HTR1F: variants seen among roughly 807,000 people sequenced by gnomAD.
The protein encoded by HTR1F is 5-hydroxytryptamine (serotonin) receptor 1F, G protein-coupled.
A neutral mutation model predicts 24.0 loss-of-function variants in HTR1F; 17 were observed. The ratio of observed to expected loss-of-function variants is 0.71; its 90% CI spans 0.48 to 1.06. The LOEUF is 1.06. Among genes scored for constraint, HTR1F ranks in the 50% least tolerant of loss-of-function variants. The pLI, the probability that HTR1F is intolerant of heterozygous loss-of-function variation, is 0.00. For synonymous variants in HTR1F, 186 were observed against 156.8 expected (o/e 1.19, Z -1.39); for missense variants, 391 against 427.8 (o/e 0.91, Z 0.76).
chr3:87,873,286 G>T (rs1189883607), intron 2 of HTR1F, among the ~76,000 whole-genome samples: 1 of 152,078 alleles, frequency 6.6e-6, no homozygotes, highest in African/African-American at 2.4e-5. Flanking sequence ...GGAGCTGATG[G>T]TGTAAGTCCT....
intron 1 of HTR1F, among the ~76,000 whole-genome samples, chr3:87,803,395 C>A (rs1209464090): frequency 6.6e-6 from 1 of 152,110 alleles, no homozygotes; most frequent in African/African-American, 2.4e-5. Context: ...TCACTAAAAG[C>A]AGGTGCAACA....
chr3:87,832,847 T>C (rs1704610779), intron 2 of HTR1F, among the ~76,000 whole-genome samples: 1 of 152,180 alleles, frequency 6.6e-6, no homozygotes, highest in Non-Finnish European at 1.5e-5. Context: ...TTATCAAGAG[T>C]TCCAGGAATG....
At position 87,798,021 on chromosome 3, in the gene HTR1F, A is replaced by G. The variant is rs190724062; in HGVS notation, c.-160+5179A>G. 2.0e-5 allele frequency among the ~76,000 whole-genome samples: 3 copies of G among 152,310 alleles called. No homozygotes were observed. The East Asian group carries it at 5.8e-4, about 29-fold the overall frequency. On this transcript the variant is annotated intron_variant, in intron 1 of 2. Coordinates refer to ENST00000319595, the MANE Select transcript of HTR1F (RefSeq NM_001322209.2). ...GATTTGGATCTGTCCTTTGGCCAGC[A>G]TCCTACATTCCTAAAGCTAAGTGTG...
intron 2 of HTR1F, chr3:87,910,473 A>T (rs944247752): frequency 4.0e-5 from 6 of 151,706 alleles, no homozygotes; most frequent in African/African-American, 1.5e-4. Flanking sequence ...TTCCTAAAGC[A>T]AGTTCTTAGA....
intron 2 of HTR1F, among the ~76,000 whole-genome samples, chr3:87,968,060 T>C (rs1705204734): frequency 6.6e-6 from 1 of 152,192 alleles, no homozygotes; most frequent in African/African-American, 2.4e-5. Flanking sequence ...CAGGCTGAAG[T>C]AGTCTCAGAT....
At chr3:87,807,598 G>A (rs1704094841) in intron 1 of HTR1F, among the ~76,000 whole-genome samples, 1 of 151,760 alleles carries the variant, frequency 6.6e-6, no homozygotes, top group South Asian at 2.1e-4. Context: ...TTTCCAATTT[G>A]ATTGCCTTTT....
At chr3:87,869,359 A>G (rs1238315148) in intron 2 of HTR1F, among the ~76,000 whole-genome samples, 1 of 151,904 alleles carries the variant, frequency 6.6e-6, no homozygotes, top group African/African-American at 2.4e-5. Context: ...CCAGAAAAAA[A>G]CAGAACCAAT....
intron 1 of HTR1F, among the ~76,000 whole-genome samples, chr3:87,815,165 C>A (rs1230486465): frequency 6.6e-6 from 1 of 151,940 alleles, no homozygotes; most frequent in Non-Finnish European, 1.5e-5. Flanking sequence ...CATGGGAATT[C>A]ATGAAAGAAA....
At chr3:87,819,967 T>C (rs1049337443) in intron 1 of HTR1F, among the ~76,000 whole-genome samples, 20 of 152,130 alleles carry the variant, frequency 1.3e-4, no homozygotes, top group African/African-American at 4.8e-4. Context: ...TACAATGCTA[T>C]ATATAAGTTA....
At chr3:87,806,645 G>T (rs1704078980) in intron 1 of HTR1F, among the ~76,000 whole-genome samples, 1 of 151,996 alleles carries the variant, frequency 6.6e-6, no homozygotes, top group African/African-American at 2.4e-5. Flanking sequence ...CTGTGAAGAA[G>T]AGTTTTAGTT....
intron 2 of HTR1F, among the ~76,000 whole-genome samples, chr3:87,953,623 G>A (rs1704882036): frequency 6.6e-6 from 1 of 151,538 alleles, no homozygotes; most frequent in Non-Finnish European, 1.5e-5. Flanking sequence ...GGAACGCAGT[G>A]GGAGATTTCT....
chr3:87,935,375 C>T (rs1214959772), intron 2 of HTR1F, among the ~76,000 whole-genome samples: 1 of 152,158 alleles, frequency 6.6e-6, no homozygotes, highest in Non-Finnish European at 1.5e-5. Flanking sequence ...GTCAATTTCA[C>T]TCTTCTTTCC....
chr3:87,793,324 G>C (rs1404058601), intron 1 of HTR1F: 1 of 152,142 alleles, frequency 6.6e-6, no homozygotes. Context: ...AGGATTCGCG[G>C]GGGGGACGGT....
rs1194113384 is a variant in HTR1F at position 87,980,750 on chromosome 3, G to A, written c.-42-9958G>A. ...CGGCCTCTCTCCCATTCTTGTCAGT[G>A]CCCAAAGTCCAGAGGATGCCAAGGC... On this transcript the variant is annotated intron_variant, in intron 2 of 2. Coordinates refer to ENST00000319595, the MANE Select transcript of HTR1F (RefSeq NM_001322209.2). 3.3e-5 allele frequency among the ~76,000 whole-genome samples: 5 copies of A among 152,186 alleles called. 1 individual carries two copies. The highest frequency in any genetic ancestry group is 1.2e-4 in the African/African-American group (5 of 41,448).
At chr3:87,822,633 T>C (rs1704381718) in intron 2 of HTR1F, among the ~76,000 whole-genome samples, 1 of 152,202 alleles carries the variant, frequency 6.6e-6, no homozygotes, top group Admixed American at 6.5e-5. Flanking sequence ...CAGAGTTTAT[T>C]TGAGGCAAAG....
chr3:87,850,249 A>C (rs1339702180), intron 2 of HTR1F, among the ~76,000 whole-genome samples: 1 of 151,980 alleles, frequency 6.6e-6, no homozygotes, highest in African/African-American at 2.4e-5. Context: ...AAAATGTGGC[A>C]CATATACACC....
intron 2 of HTR1F, among the ~76,000 whole-genome samples, chr3:87,959,102 G>C (rs184557639): frequency 6.6e-6 from 1 of 151,806 alleles, no homozygotes; most frequent in Admixed American, 6.6e-5. Context: ...TATGTTGTTT[G>C]ATGTACTTAA....
At chr3:87,891,301 T>C (rs1305872245) in intron 2 of HTR1F, among the ~76,000 whole-genome samples, 1 of 151,876 alleles carries the variant, frequency 6.6e-6, no homozygotes, top group African/African-American at 2.4e-5. Flanking sequence ...TTTGTTAAAA[T>C]AAAAAAAATG....
chr3:87,877,387 ATTAGGCACCCACTCAATTT>A (rs1705693262), intron 2 of HTR1F, among the ~76,000 whole-genome samples: 2 of 152,086 alleles, frequency 1.3e-5, no homozygotes, highest in Non-Finnish European at 2.9e-5. Flanking sequence ...CTAAAAATTG[ATTAGGCACCCACTCAATTT>A]TTAGTGAATT....
Sources: gnomAD v4.1 joint callset for allele counts (sites outside exome capture counted in the v4.1 genomes callset) on GRCh38, gnomAD v4.1.1 for gene constraint, MANE v1.5 for transcripts, NCBI Gene and HGNC (gene_info 2026-07-23, HGNC 2026-07-21) for gene names.